LRRC4C: variants seen among roughly 807,000 people sequenced by gnomAD.
LRRC4C encodes leucine-rich repeat-containing protein 4C.
A neutral mutation model predicts 33.6 loss-of-function variants in LRRC4C; 5 were observed. The observed-to-expected ratio is 0.15, with a 90% CI of 0.08 to 0.31. LRRC4C has a LOEUF of 0.31. LRRC4C is among the 10% of genes least tolerant of loss of function. The probability of loss-of-function intolerance (pLI) is 1.00; values close to 1 mark genes in which losing one functional copy is unlikely to be tolerated. For missense variants in LRRC4C, 560 were observed against 796.7 expected (o/e 0.70, Z 3.58); for synonymous variants, 329 against 302.0 (o/e 1.09, Z -0.93).
intron 1 of LRRC4C, among the ~76,000 whole-genome samples, chr11:40,948,095 A>G (rs1170388526): frequency 6.6e-6 from 1 of 152,026 alleles, no homozygotes. Flanking sequence ...CTCTTCTTAA[A>G]TGGCTCAAAG....
intron 2 of LRRC4C, among the ~76,000 whole-genome samples, chr11:40,897,527 T>C (rs991710757): frequency 6.6e-6 from 1 of 152,040 alleles, no homozygotes; most frequent in Non-Finnish European, 1.5e-5. Flanking sequence ...AGGAAGAAAA[T>C]TTAAAATGTA....
At chr11:41,182,492 T>C (rs1290175593) in intron 1 of LRRC4C, among the ~76,000 whole-genome samples, 3 of 152,186 alleles carry the variant, frequency 2.0e-5, no homozygotes, top group African/African-American at 7.2e-5. Flanking sequence ...AGTCCATAGG[T>C]ATACAATCTT....
At chr11:40,527,338 C>T (rs147766880) in intron 3 of LRRC4C, among the ~76,000 whole-genome samples, 56 of 151,914 alleles carry the variant, frequency 3.7e-4, no homozygotes, top group East Asian at 1.4e-3. Context: ...CAAAACAGTG[C>T]CTTAAAATGG....
At chr11:40,426,175 G>A (rs971844955) in intron 3 of LRRC4C, among the ~76,000 whole-genome samples, 2 of 151,818 alleles carry the variant, frequency 1.3e-5, no homozygotes, top group African/African-American at 2.4e-5. Flanking sequence ...CACTATGCCC[G>A]GCTAATTTTT....
At chr11:40,444,604 T>G (rs1186020133) in intron 3 of LRRC4C, among the ~76,000 whole-genome samples, 2 of 152,114 alleles carry the variant, frequency 1.3e-5, no homozygotes, top group East Asian at 3.9e-4. Context: ...CTAATTTTTT[T>G]CTTTTTGATA....
At chr11:40,747,855 T>C (rs531456011) in intron 2 of LRRC4C, among the ~76,000 whole-genome samples, 28 of 152,068 alleles carry the variant, frequency 1.8e-4, no homozygotes, top group African/African-American at 6.5e-4. Flanking sequence ...TTGAAATAAC[T>C]CACTTGGACA....
chr11:41,079,521 C>G (rs1297453263), intron 1 of LRRC4C, among the ~76,000 whole-genome samples: 2 of 151,952 alleles, frequency 1.3e-5, no homozygotes, highest in Non-Finnish European at 2.9e-5. Flanking sequence ...CTTATGTGCC[C>G]CCCAAGAGCA....
intron 3 of LRRC4C, among the ~76,000 whole-genome samples, chr11:40,435,885 C>T (rs1014890808): frequency 2.6e-5 from 4 of 152,130 alleles, no homozygotes; most frequent in African/African-American, 9.7e-5. Context: ...CTTCACCTTG[C>T]TTGTTTATTC....
chr11:40,231,497 A>C (rs1190333560), intron 5 of LRRC4C, among the ~76,000 whole-genome samples: 1 of 152,194 alleles, frequency 6.6e-6, no homozygotes, highest in East Asian at 1.9e-4. Context: ...AATGAAAACT[A>C]TATTTTAATT....
At chr11:40,576,871 T>C (rs1410385194) in intron 3 of LRRC4C, among the ~76,000 whole-genome samples, 1 of 152,236 alleles carries the variant, frequency 6.6e-6, no homozygotes, top group Non-Finnish European at 1.5e-5. Context: ...ATACATAGTA[T>C]GCGCTCATTA....
chr11:41,235,933 G>T (rs1473850586), intron 1 of LRRC4C, among the ~76,000 whole-genome samples: 1 of 152,182 alleles, frequency 6.6e-6, no homozygotes, highest in Non-Finnish European at 1.5e-5. Flanking sequence ...CTCCCTTTGT[G>T]CTTTCCTAAT....
rs1853569983 is a variant in LRRC4C at position 40,991,639 on chromosome 11, A to G, written c.-495-57916T>C. On this transcript the variant is annotated intron_variant, in intron 1 of 6. Transcript: ENST00000528697. Reference sequence around the variant, plus strand: ...CCTGGGCTTGTTTTCCTGCCACTAGACAGTCCCATCTGGGGGTGATGGGAG... The same window carrying G: ...CCTGGGCTTGTTTTCCTGCCACTAGGCAGTCCCATCTGGGGGTGATGGGAG... Among the ~76,000 whole-genome samples, 3 of 152,210 alleles carry G rather than the reference A, an allele frequency of 2.0e-5. No individual in the cohort carries two copies. In the South Asian group the frequency reaches 6.2e-4, roughly 32 times the overall value.
chr11:41,304,491 T>A (rs1436014252), intron 1 of LRRC4C, among the ~76,000 whole-genome samples: 30 of 83,628 alleles, frequency 3.6e-4, no homozygotes, highest in African/African-American at 6.2e-4. Flanking sequence ...GGAGCCCCTC[T>A]GCCCGGCCAG....
chr11:40,195,947 T>G lies in LRRC4C; in HGVS notation c.-96+45572A>C, dbSNP rs116261158. On this transcript the variant is annotated intron_variant, in intron 5 of 6. Coordinates refer to ENST00000528697, the MANE Select transcript of LRRC4C (RefSeq NM_001258419.2). ...TCCCGATATAGTACTTCAGTAATAA[T>G]CTATATAGTGTCCAAAGTAAAAGTG... is the stretch of plus-strand genomic sequence containing the variant. Among the ~76,000 whole-genome samples, 543 of 152,292 alleles carry G rather than the reference T, an allele frequency of 3.6e-3. 2 individuals are homozygous for G. The highest frequency in any genetic ancestry group is 0.013 in the African/African-American group (527 of 41,570).
At chr11:41,120,428 A>G (rs1000253713) in intron 1 of LRRC4C, among the ~76,000 whole-genome samples, 1 of 152,154 alleles carries the variant, frequency 6.6e-6, no homozygotes, top group Non-Finnish European at 1.5e-5. Context: ...GCAGATCATT[A>G]TATATGGATT....
At chr11:40,301,355 T>C (rs1342892408) in intron 4 of LRRC4C, among the ~76,000 whole-genome samples, 1 of 152,204 alleles carries the variant, frequency 6.6e-6, no homozygotes. Context: ...AGATACTATG[T>C]GGTAGTATTT....
At chr11:41,267,111 G>A (rs1949175460) in intron 1 of LRRC4C, among the ~76,000 whole-genome samples, 2 of 152,072 alleles carry the variant, frequency 1.3e-5, no homozygotes, top group Admixed American at 6.6e-5. Flanking sequence ...GTATCTAGCT[G>A]TTAGCAGATA....
chr11:41,397,847 C>A (rs1171971356), intron 1 of LRRC4C, among the ~76,000 whole-genome samples: 1 of 151,792 alleles, frequency 6.6e-6, no homozygotes, highest in Non-Finnish European at 1.5e-5. Flanking sequence ...AGATCCAAAC[C>A]AGTAGAGAAG....
chr11:40,856,158 A>G (rs1441646526), intron 2 of LRRC4C, among the ~76,000 whole-genome samples: 1 of 152,148 alleles, frequency 6.6e-6, no homozygotes, highest in African/African-American at 2.4e-5. Flanking sequence ...CTGTATGAAA[A>G]AACTTTGGTT....
Sources: allele counts gnomAD v4.1 joint callset (sites outside exome capture counted in the v4.1 genomes callset), GRCh38; gene constraint gnomAD v4.1.1; transcripts MANE v1.5; gene names NCBI Gene and HGNC (gene_info 2026-07-23, HGNC 2026-07-21).